Variants in AGBL1 observed in about 807,000 individuals in gnomAD.
AGBL1 encodes cytosolic carboxypeptidase 4.
In AGBL1, 130 loss-of-function variants were observed where a neutral mutation model predicts 118.9. That is an observed-to-expected ratio of 1.09 (90% CI 0.95 to 1.26). AGBL1 has a LOEUF of 1.26. Among genes scored for constraint, AGBL1 ranks in the 50% most tolerant of loss-of-function variants. The pLI is 0.00. For missense variants in AGBL1, 1,584 were observed against 1,298.1 expected (o/e 1.22, Z -3.38); for synonymous variants, 555 against 478.9 (o/e 1.16, Z -2.08).
At chr15:86,235,566 G>A (rs1597600604) in intron 6 of AGBL1, among the ~76,000 whole-genome samples, 2 of 152,248 alleles carry the variant, frequency 1.3e-5, no homozygotes, top group East Asian at 1.9e-4. Flanking sequence ...AGTACATCAT[G>A]GCTTCCTCAT....
Position 86,247,745 on chromosome 15 carries a change from C to G in AGBL1, c.601C>G (p.His201Asp), listed in dbSNP as rs2078744201. The change falls in exon 7 of 23, where the codon CAT becomes GAT. Residue 201 changes from histidine (H) to aspartate (D), a missense_variant. Coordinates refer to ENST00000614907, the MANE Select transcript of AGBL1 (RefSeq NM_001386094.1). ...CGGGCTGCACCAGGACTGGCACAGCCATGACACAGCCAACGCCTACGTGCA... is the reference window on the plus strand; with the variant it reads ...CGGGCTGCACCAGGACTGGCACAGCGATGACACAGCCAACGCCTACGTGCA... The part of the protein sequence containing the change: ...LLGLHQDWHS[H>D]DTANAYVQIR... 3 of 1,613,938 alleles carry G rather than the reference C, an allele frequency of 1.9e-6. No individual in the cohort carries two copies. The highest frequency in any genetic ancestry group is 2.5e-6 in the Non-Finnish European group (3 of 1,179,872).
intron 21 of AGBL1, among the ~76,000 whole-genome samples, chr15:86,633,769 ATATTT>A (rs1474097412): frequency 4.1e-5 from 6 of 147,384 alleles, no homozygotes; most frequent in African/African-American, 1.5e-4. Context: ...TATAAATACA[ATATTT>A]TATGTGTGTG....
chr15:86,156,440 C>T (rs1281186762), intron 4 of AGBL1, among the ~76,000 whole-genome samples: 1 of 152,110 alleles, frequency 6.6e-6, no homozygotes, highest in Non-Finnish European at 1.5e-5. Context: ...CCTTAATGGC[C>T]TCATTTTAAG....
chr15:86,304,468 T>A (rs2079806534), intron 17 of AGBL1, among the ~76,000 whole-genome samples: 1 of 152,234 alleles, frequency 6.6e-6, no homozygotes, highest in South Asian at 2.1e-4. Flanking sequence ...CTTTTTTTCT[T>A]CATTGCCTCT....
At chr15:86,512,394 A>G (rs1239828621) in intron 18 of AGBL1, among the ~76,000 whole-genome samples, 6 of 151,954 alleles carry the variant, frequency 3.9e-5, no homozygotes. Context: ...TTTTCTGGAC[A>G]TCAAATCATT....
chr15:86,468,687 C>T (rs1318814756), intron 18 of AGBL1, among the ~76,000 whole-genome samples: 1 of 152,100 alleles, frequency 6.6e-6, no homozygotes, highest in African/African-American at 2.4e-5. Flanking sequence ...TTGTGTTGTT[C>T]ATGTTCATAG....
At chr15:87,004,379 G>A (rs1006641538) in intron 24 of AGBL1, among the ~76,000 whole-genome samples, 1 of 152,068 alleles carries the variant, frequency 6.6e-6, no homozygotes, top group Admixed American at 6.6e-5. Context: ...CTCCTGTAGT[G>A]GGTGCATATA....
Position 86,079,892 on chromosome 15 carries a change from CA to C in AGBL1, c.-80del, listed in dbSNP as rs1038402491. On this transcript the variant is annotated 5_prime_UTR_variant, in exon 1 of 23. Coordinates refer to ENST00000614907, the MANE Select transcript of AGBL1 (RefSeq NM_001386094.1). The stretch of plus-strand genomic sequence containing the variant: ...GGGCAGTCGTCTCCTGCGAGGCGGG[CA>C]GCGAGGTCAGCTTGGCAGCCGCTGC... The C allele has an allele frequency of 2.8e-6, 3 of 1,063,158 alleles. No homozygotes were observed. In the African/African-American group the frequency reaches 4.8e-5, roughly 17 times the overall value. 65.9% of individuals were successfully genotyped at this position (1,063,158 alleles called of 1,614,324 possible). A position where few individuals can be genotyped will look rare whatever the true frequency, so the allele number is the denominator to read the frequency against.
chr15:86,209,118 G>T (rs2078046844), intron 5 of AGBL1, among the ~76,000 whole-genome samples: 1 of 152,186 alleles, frequency 6.6e-6, no homozygotes, highest in Non-Finnish European at 1.5e-5. Flanking sequence ...CCATGGAGTT[G>T]TGTGGTTTTG....
At chr15:86,527,044 C>G (rs2083277781) in intron 19 of AGBL1, among the ~76,000 whole-genome samples, 1 of 152,130 alleles carries the variant, frequency 6.6e-6, no homozygotes, top group South Asian at 2.1e-4. Flanking sequence ...AATGTACAAT[C>G]TTTTCATTCT....
At chr15:86,670,600 G>GGCACACAC (rs1555436003) in intron 21 of AGBL1, among the ~76,000 whole-genome samples, 44 of 133,252 alleles carry the variant, frequency 3.3e-4, no homozygotes, top group African/African-American at 1.2e-3. Flanking sequence ...GTGAAACTCT[G>GGCACACAC]ACACACACAC....
intron 4 of AGBL1, among the ~76,000 whole-genome samples, chr15:86,158,543 CA>C (rs767735527): frequency 1.3e-5 from 2 of 152,170 alleles, no homozygotes; most frequent in African/African-American, 2.4e-5. Context: ...GACGCTGGGG[CA>C]TCCTTGGAGA....
At chr15:86,418,011 G>C (rs1238133968) in intron 18 of AGBL1, among the ~76,000 whole-genome samples, 1 of 152,106 alleles carries the variant, frequency 6.6e-6, no homozygotes, top group Non-Finnish European at 1.5e-5. Context: ...AGTTGATCTA[G>C]ATGGATCAAG....
chr15:86,898,444 C>A (rs1403662930), intron 22 of AGBL1, among the ~76,000 whole-genome samples: 2 of 152,180 alleles, frequency 1.3e-5, no homozygotes, highest in African/African-American at 2.4e-5. Context: ...TATCTCAGCA[C>A]AATTTATTGA....
intron 22 of AGBL1, among the ~76,000 whole-genome samples, chr15:86,828,066 A>C (rs558318191): frequency 6.7e-6 from 1 of 150,076 alleles, no homozygotes; most frequent in African/African-American, 2.5e-5. Context: ...CAGCCTCCTG[A>C]ATAAGCATGA....
At chr15:86,561,227 A>C (rs1257408266) in intron 21 of AGBL1, among the ~76,000 whole-genome samples, 1 of 152,166 alleles carries the variant, frequency 6.6e-6, no homozygotes, top group African/African-American at 2.4e-5. Context: ...TATGTCCTGA[A>C]TGGTATTGCC....
intron 22 of AGBL1, among the ~76,000 whole-genome samples, chr15:86,708,477 G>C (rs771355359): frequency 6.6e-6 from 1 of 152,128 alleles, no homozygotes; most frequent in Non-Finnish European, 1.5e-5. Context: ...ATAACTATGA[G>C]AAAGTGAGAA....
chr15:86,484,596 C>T (rs946389285), intron 18 of AGBL1, among the ~76,000 whole-genome samples: 4 of 152,072 alleles, frequency 2.6e-5, no homozygotes, highest in African/African-American at 7.2e-5. Flanking sequence ...TTCCACGTTT[C>T]GGTGCATTTA....
intron 22 of AGBL1, among the ~76,000 whole-genome samples, chr15:86,799,266 G>A (rs537968822): frequency 2.0e-5 from 3 of 152,094 alleles, no homozygotes; most frequent in Non-Finnish European, 2.9e-5. Flanking sequence ...CCATGCTGGT[G>A]TGCTGCAACT....
Sources: allele counts gnomAD v4.1 joint callset (sites outside exome capture counted in the v4.1 genomes callset), GRCh38; gene constraint gnomAD v4.1.1; transcripts MANE v1.5; gene names NCBI Gene and HGNC (gene_info 2026-07-23, HGNC 2026-07-21).